RSF1: variants seen among roughly 807,000 people sequenced by gnomAD.
The protein encoded by RSF1 is remodeling and spacing factor 1, also known as HBV pX-associated protein 8.
In RSF1, 13 loss-of-function variants were observed where a neutral mutation model predicts 145.2. The ratio of observed to expected loss-of-function variants is 0.09; its 90% confidence interval spans 0.06 to 0.14. The LOEUF is 0.14. RSF1 is among the 10% of genes least tolerant of loss of function. The pLI, the probability that RSF1 is intolerant of heterozygous loss-of-function variation, is 1.00. For synonymous variants in RSF1, 577 were observed against 592.6 expected, an observed-to-expected ratio of 0.97 and a Z score of 0.38; for missense variants, 1,517 against 1,718.2, an observed-to-expected ratio of 0.88 and a Z score of 2.07.
At chr11:77,819,468 AG>A (rs1253888621) in intron 1 of RSF1, among the ~76,000 whole-genome samples, 1 of 152,242 alleles carries the variant, frequency 6.6e-6, no homozygotes, top group African/African-American at 2.4e-5. Context: ...CAGCAGCAGC[AG>A]GAAGTTTCAA....
intron 1 of RSF1, among the ~76,000 whole-genome samples, chr11:77,809,192 T>G (rs1421872056): frequency 3.3e-5 from 5 of 152,184 alleles, no homozygotes; most frequent in Admixed American, 1.3e-4. Flanking sequence ...ATCTATAAAA[T>G]GAAAATAATG....
At chr11:77,866,770 A>G in the RSF1 span, 2 of 152,142 alleles carry the variant, frequency 1.3e-5, no homozygotes, top group African/African-American at 4.8e-5. Flanking sequence ...GCACATGTAA[A>G]TATGTAAGAC....
At chr11:77,869,070 G>A in the RSF1 span, 1 of 310,582 alleles carries the variant, frequency 3.2e-6, no homozygotes, top group African/African-American at 2.2e-5. Flanking sequence ...TTCCCTTGAT[G>A]TCTACAGTAT....
At chr11:77,715,211 T>G (rs1960779007) in intron 5 of RSF1, among the ~76,000 whole-genome samples, 1 of 150,592 alleles carries the variant, frequency 6.6e-6, no homozygotes, top group Admixed American at 6.7e-5. Context: ...CACTATAGTC[T>G]GTATCCTATT....
chr11:77,830,594 A>G, the RSF1 span, among the ~76,000 whole-genome samples: 14 of 150,570 alleles, frequency 9.3e-5, no homozygotes, highest in East Asian at 5.9e-4. Flanking sequence ...CTTCTTCCAA[A>G]TATACTCTTT....
At chr11:77,779,618 G>T (rs904342091) in intron 1 of RSF1, among the ~76,000 whole-genome samples, 4 of 152,128 alleles carry the variant, frequency 2.6e-5, no homozygotes, top group Non-Finnish European at 5.9e-5. Context: ...TTGACCTCAG[G>T]TGATCTGCCC....
chr11:77,819,781 G>C lies in RSF1; in HGVS notation c.187+747C>G, dbSNP rs530211726. On this transcript the variant is annotated intron_variant, in intron 1 of 15. Transcript: ENST00000308488. ...CCTATTATTTTGGGGGAGGTGGGGA[G>C]AGGAAGGAGAACTATGGAGGAGGAA... Among the ~76,000 whole-genome samples, 4 of 152,242 alleles carry C rather than the reference G, an allele frequency of 2.6e-5. No individual in the cohort carries two copies. The East Asian group carries it at 7.7e-4, about 29-fold the overall frequency.
intron 11 of RSF1, among the ~76,000 whole-genome samples, chr11:77,679,321 T>C (rs1054112658): frequency 5.3e-5 from 8 of 152,352 alleles, no homozygotes; most frequent in Middle Eastern, 6.8e-3. Context: ...CTCCTAATTA[T>C]ACAAATCACA....
chr11:77,725,416 A>T, intron 5 of RSF1, 129 bp downstream of exon 5: 1 of 722,108 alleles, frequency 1.4e-6, no homozygotes. Context: ...GGAAAAATCA[A>T]CCTCCTTTTA....
chr11:77,691,532 G>T, intron 8 of RSF1: 1 of 359,864 alleles, frequency 2.8e-6, no homozygotes, highest in East Asian at 5.6e-5. Flanking sequence ...GGTTCAACAT[G>T]TGTATGTAAC....
chr11:77,842,548 G>T, the RSF1 span: 1 of 1,614,056 alleles, frequency 6.2e-7, no homozygotes, highest in South Asian at 1.1e-5. Context: ...GAAAGTAAAA[G>T]GCTCTAATAC....
chr11:77,690,848 G>A (rs1170245356), intron 9 of RSF1: 1 of 311,752 alleles, frequency 3.2e-6, no homozygotes, highest in Non-Finnish European at 5.9e-6. Flanking sequence ...CAGGGCAAAA[G>A]TAGCCACAGA....
chr11:77,763,252 G>C (rs1366464344), intron 2 of RSF1: 1 of 150,840 alleles, frequency 6.6e-6, no homozygotes. Context: ...TGAAGCAAGA[G>C]AATTGCTTGA....
rs180944883 is a variant in RSF1 at position 77,743,490 on chromosome 11, A to G, written c.373-2554T>C. Among the ~76,000 whole-genome samples the G allele has an allele frequency of 2.2e-3, 339 of 152,246 alleles. 2 individuals are homozygous for G. Among genetic ancestry groups the G allele is most frequent in the African/African-American group, 8.0e-3 (331 of 41,542 alleles). On this transcript the variant is annotated intron_variant, in intron 3 of 15. Coordinates refer to ENST00000308488, the MANE Select transcript of RSF1 (RefSeq NM_016578.4). ...TTATTTTTTGATGCTATTGTAATGA[A>G]TTGGTTTTTATAATTTCTTTTTTGG...
At chr11:77,680,611 G>A (rs762302470) in intron 11 of RSF1, among the ~76,000 whole-genome samples, 5 of 152,168 alleles carry the variant, frequency 3.3e-5, no homozygotes, top group Non-Finnish European at 5.9e-5. Flanking sequence ...TGCCTTCTGA[G>A]TTAGAATATA....
At chr11:77,776,885 AG>A (rs1303837425) in intron 1 of RSF1, among the ~76,000 whole-genome samples, 1 of 152,248 alleles carries the variant, frequency 6.6e-6, no homozygotes, top group Admixed American at 6.5e-5. Flanking sequence ...TTAAATAAAA[AG>A]GTAACAATGA....
chr11:77,854,567 C>T, the RSF1 span, among the ~76,000 whole-genome samples: 1 of 152,208 alleles, frequency 6.6e-6, no homozygotes, highest in Non-Finnish European at 1.5e-5. Flanking sequence ...CCTTTGGCTC[C>T]ATGTCTCACA....
chr11:77,812,343 T>C (rs946461469), intron 1 of RSF1, among the ~76,000 whole-genome samples: 7 of 152,164 alleles, frequency 4.6e-5, no homozygotes, highest in Non-Finnish European at 8.8e-5. Flanking sequence ...GGGAAAAAAC[T>C]GTATAATCCT....
the RSF1 span, among the ~76,000 whole-genome samples, chr11:77,861,096 A>G: frequency 1.3e-5 from 2 of 152,060 alleles, no homozygotes; most frequent in East Asian, 3.9e-4. Context: ...TTTGAACAGT[A>G]TGGGCATTTT....
Sources: gnomAD v4.1 joint callset for allele counts (sites outside exome capture counted in the v4.1 genomes callset) on GRCh38, gnomAD v4.1.1 for gene constraint, MANE v1.5 for transcripts, NCBI Gene and HGNC (gene_info 2026-07-23, HGNC 2026-07-21) for gene names.